WDR70: variants seen among roughly 807,000 people sequenced by gnomAD.
WDR70 encodes WD repeat domain 70, also known as WD repeat-containing protein 70.
In WDR70, 53 loss-of-function variants were observed where a neutral mutation model predicts 88.6. That is an observed-to-expected ratio of 0.60 (90% CI 0.48 to 0.75). The LOEUF (loss-of-function observed/expected upper bound fraction) is 0.75. WDR70 is among the 30% of genes least tolerant of loss of function. The pLI is 0.00. For missense variants in WDR70, 610 were observed against 823.2 expected (o/e 0.74, Z 3.17); for synonymous variants, 280 against 270.0 (o/e 1.04, Z -0.36).
chr5:37,622,526 A>C (rs1341832667), intron 10 of WDR70, among the ~76,000 whole-genome samples: 1 of 152,178 alleles, frequency 6.6e-6, no homozygotes, highest in Non-Finnish European at 1.5e-5. Context: ...GATTAAGAAA[A>C]TGTGGCACAT....
chr5:37,626,930 T>C (rs905862656), intron 10 of WDR70, among the ~76,000 whole-genome samples: 4 of 152,196 alleles, frequency 2.6e-5, no homozygotes, highest in African/African-American at 9.6e-5. Flanking sequence ...TACTCTCTAA[T>C]GATCCTTTGT....
At chr5:37,577,080 C>G (rs1743082117) in intron 9 of WDR70, among the ~76,000 whole-genome samples, 1 of 152,130 alleles carries the variant, frequency 6.6e-6, no homozygotes, top group Admixed American at 6.6e-5. Flanking sequence ...GAGTTATTGG[C>G]ACTTACTCTG....
intron 5 of WDR70, among the ~76,000 whole-genome samples, chr5:37,412,447 C>G (rs1749554574): frequency 1.3e-5 from 2 of 151,736 alleles, no homozygotes; most frequent in African/African-American, 4.8e-5. Flanking sequence ...GTTCATGATT[C>G]TAATTTTTTT....
intron 9 of WDR70, among the ~76,000 whole-genome samples, chr5:37,528,693 C>G (rs935932855): frequency 1.3e-5 from 2 of 152,054 alleles, no homozygotes; most frequent in African/African-American, 4.8e-5. Context: ...TATTTGATTT[C>G]CTTGTAGATT....
intron 3 of WDR70, among the ~76,000 whole-genome samples, chr5:37,383,673 G>A (rs755387478): frequency 1.3e-5 from 2 of 151,960 alleles, no homozygotes; most frequent in South Asian, 2.1e-4. Context: ...TCCGCCTCCC[G>A]GGTTCATGCC....
intron 10 of WDR70, among the ~76,000 whole-genome samples, chr5:37,653,020 T>G (rs985837448): frequency 6.6e-6 from 1 of 152,162 alleles, no homozygotes. Flanking sequence ...CTTGTGCTGG[T>G]TTTCAAAGGG....
At chr5:37,392,769 C>T (rs1748879363) in intron 4 of WDR70, among the ~76,000 whole-genome samples, 1 of 151,882 alleles carries the variant, frequency 6.6e-6, no homozygotes, top group South Asian at 2.1e-4. Flanking sequence ...CTTAGCCTCC[C>T]AAGTAGCTGG....
At chr5:37,530,745 A>C (rs377467233) in intron 9 of WDR70, among the ~76,000 whole-genome samples, 10 of 147,536 alleles carry the variant, frequency 6.8e-5, no homozygotes, top group Admixed American at 4.7e-4. Flanking sequence ...CTTTTCAATA[A>C]ACTAGCTTTT....
intron 5 of WDR70, among the ~76,000 whole-genome samples, chr5:37,431,078 T>A (rs1474837372): frequency 1.3e-5 from 2 of 152,176 alleles, no homozygotes; most frequent in East Asian, 3.9e-4. Flanking sequence ...GGTCTGGAAC[T>A]CCTGACCTTA....
chr5:37,387,441 A>G (rs919836673), intron 3 of WDR70, among the ~76,000 whole-genome samples: 9 of 152,212 alleles, frequency 5.9e-5, no homozygotes, highest in Non-Finnish European at 1.5e-5. Context: ...TCTCAAGACT[A>G]TGATCTCCTT....
At chr5:37,696,435 A>G (rs1003748000) in intron 10 of WDR70, among the ~76,000 whole-genome samples, 3 of 152,198 alleles carry the variant, frequency 2.0e-5, no homozygotes, top group Non-Finnish European at 4.4e-5. Flanking sequence ...TTTGGAGGGC[A>G]AAGTACATGA....
intron 10 of WDR70, among the ~76,000 whole-genome samples, chr5:37,639,570 A>G (rs1427875142): frequency 1.3e-5 from 2 of 152,012 alleles, no homozygotes; most frequent in Non-Finnish European, 2.9e-5. Context: ...TTTCTGGTCT[A>G]AGTTTGTTGT....
chr5:37,439,169 C>T lies in WDR70; in HGVS notation c.552+1188C>T, dbSNP rs192259376. Among the ~76,000 whole-genome samples the T allele has an allele frequency of 2.6e-3, 399 of 152,136 alleles. 1 individual carries two copies. The highest frequency in any genetic ancestry group is 8.0e-3 in the African/African-American group (334 of 41,500). On this transcript the variant is annotated intron_variant, in intron 6 of 17. Coordinates refer to ENST00000265107, the MANE Select transcript of WDR70 (RefSeq NM_018034.4). ...TGCTGACCTCATGATCTTCCTGCCT[C>T]GGCCTCCCAAAGTGCTGGGATTACA... is the stretch of plus-strand genomic sequence containing the variant.
chr5:37,663,757 A>C (rs980493035), intron 10 of WDR70, among the ~76,000 whole-genome samples: 1 of 152,088 alleles, frequency 6.6e-6, no homozygotes, highest in Non-Finnish European at 1.5e-5. Flanking sequence ...CCTTCCCTGC[A>C]GTCGCCAAGG....
chr5:37,680,986 T>C (rs1746413253), intron 10 of WDR70, among the ~76,000 whole-genome samples: 1 of 152,222 alleles, frequency 6.6e-6, no homozygotes, highest in Non-Finnish European at 1.5e-5. Flanking sequence ...ATATCATTAG[T>C]AGTTTGATAG....
intron 8 of WDR70, chr5:37,506,575 C>T (rs563984699): frequency 1.3e-6 from 1 of 774,376 alleles, no homozygotes; most frequent in African/African-American, 1.7e-5. Flanking sequence ...CTCCCTCCAA[C>T]ATTTAATGTT....
At chr5:37,493,353 C>T (rs1041966044) in intron 8 of WDR70, among the ~76,000 whole-genome samples, 9 of 152,178 alleles carry the variant, frequency 5.9e-5, no homozygotes, top group African/African-American at 1.9e-4. Flanking sequence ...TTCCCTCCAT[C>T]TTCAGGGTCA....
intron 5 of WDR70, among the ~76,000 whole-genome samples, chr5:37,415,721 GCTGC>G (rs1749712034): frequency 6.6e-6 from 1 of 150,816 alleles, no homozygotes; most frequent in Non-Finnish European, 1.5e-5. Context: ...AGACGGGGCG[GCTGC>G]CAGGTGGAGG....
In WDR70 at chr5:37,418,079, C is replaced by T. The variant is rs184094221; in HGVS notation, c.493-19843C>T. Among the ~76,000 whole-genome samples, 295 of 152,128 alleles carry T rather than the reference C, an allele frequency of 1.9e-3. 1 individual carries two copies. The highest frequency in any genetic ancestry group is 3.0e-3 in the Admixed American group (46 of 15,268). ...AAAGAGAAAATTGACAAGAATGATA[C>T]GTGATTTGAATATCACAGGATTTTG... On this transcript the variant is annotated intron_variant, in intron 5 of 17. Coordinates refer to ENST00000265107, the MANE Select transcript of WDR70 (RefSeq NM_018034.4).
Sources: gnomAD v4.1 joint callset for allele counts (sites outside exome capture counted in the v4.1 genomes callset) on GRCh38, gnomAD v4.1.1 for gene constraint, MANE v1.5 for transcripts, NCBI Gene and HGNC (gene_info 2026-07-23, HGNC 2026-07-21) for gene names.